MGLL: variants seen among roughly 807,000 people sequenced by gnomAD.
MGLL encodes monoglyceride lipase.
Under a neutral mutation model 29.1 loss-of-function variants are expected in MGLL, and 7 were observed. The ratio of observed to expected loss-of-function variants is 0.24; its 90% CI spans 0.14 to 0.45. The LOEUF is 0.45. Among genes scored for constraint, MGLL ranks in the 20% least tolerant of loss-of-function variants. MGLL has a pLI of 0.99. For missense variants in MGLL, 356 were observed against 413.6 expected (o/e 0.86, Z 1.21); for synonymous variants, 148 against 168.3 (o/e 0.88, Z 0.93).
At chr3:127,784,099 G>C (rs1328961307) in intron 2 of MGLL, 3 of 152,218 alleles carry the variant, frequency 2.0e-5, no homozygotes, top group Non-Finnish European at 4.4e-5. Context: ...ATGGCACAAG[G>C]CATTGCCATC....
chr3:127,692,437 G>T, intron 7 of MGLL, 114 bp from the exon 8 acceptor site: 2 of 1,380,018 alleles, frequency 1.4e-6, no homozygotes, highest in Admixed American at 1.8e-5. Flanking sequence ...CTCTCCCTAT[G>T]CCCGAGGACC....
chr3:127,742,646 A>G (rs2076365853), intron 3 of MGLL, among the ~76,000 whole-genome samples: 1 of 151,048 alleles, frequency 6.6e-6, no homozygotes, highest in Non-Finnish European at 1.5e-5. Flanking sequence ...TCTGAAGAAC[A>G]TGCAGCTCAA....
At chr3:127,725,350 G>A (rs2076011885) in intron 3 of MGLL, among the ~76,000 whole-genome samples, 1 of 151,992 alleles carries the variant, frequency 6.6e-6, no homozygotes, top group South Asian at 2.1e-4. Flanking sequence ...AAAGACATTT[G>A]ATTCACATGG....
chr3:127,743,798 A>G (rs1308168601), intron 3 of MGLL, among the ~76,000 whole-genome samples: 1 of 152,116 alleles, frequency 6.6e-6, no homozygotes, highest in East Asian at 1.9e-4. Flanking sequence ...AAAGTCCAAG[A>G]TCACAGCTTG....
At chr3:127,696,276 C>T (rs2075360115) in intron 6 of MGLL, among the ~76,000 whole-genome samples, 1 of 151,812 alleles carries the variant, frequency 6.6e-6, no homozygotes, top group African/African-American at 2.4e-5. Flanking sequence ...CTTCCTGCCT[C>T]CATAAAGACA....
In MGLL at chr3:127,722,594, G is replaced by C. The variant is rs769966812; in HGVS notation, c.263-28C>G. On this transcript the variant is annotated intron_variant, in intron 3 of 7. Transcript: ENST00000265052. ...GGAAAGGAACGGGAGATGAGAGAGA[G>C]CTGCAGTTACCAGGTCGACTCCTAC... 31 of 1,614,098 alleles carry C rather than the reference G, an allele frequency of 1.9e-5. No individual in the cohort carries two copies. In the South Asian group the frequency reaches 3.4e-4, roughly 18 times the overall value.
rs375044690 is a variant in MGLL, at chr3:127,791,882, C to T, written c.156-9987G>A. On this transcript the variant is annotated intron_variant, in intron 2 of 7. Coordinates refer to ENST00000265052, the MANE Select transcript of MGLL (RefSeq NM_007283.7). ...GGTCAGGAGTTCGAGACCAACCTGACCAACATGGTGAAACCCCGTCTCTAC... is the reference window on the plus strand; with the variant it reads ...GGTCAGGAGTTCGAGACCAACCTGATCAACATGGTGAAACCCCGTCTCTAC... 5.3e-5 allele frequency among the ~76,000 whole-genome samples: 8 copies of T among 152,138 alleles called. No homozygotes were observed. The East Asian group carries it at 1.5e-3, about 29-fold the overall frequency.
At chr3:127,728,717 G>A (rs1411672435) in intron 3 of MGLL, among the ~76,000 whole-genome samples, 1 of 152,236 alleles carries the variant, frequency 6.6e-6, no homozygotes, top group Non-Finnish European at 1.5e-5. Flanking sequence ...TCTGCATGAT[G>A]TTGTATCTTC....
chr3:127,704,702 C>T (rs1032551461), intron 6 of MGLL, among the ~76,000 whole-genome samples: 9 of 152,172 alleles, frequency 5.9e-5, no homozygotes, highest in Non-Finnish European at 7.4e-5. Flanking sequence ...TACCATCTCA[C>T]GCCAGTCAGA....
chr3:127,796,831 A>G (rs2077390430), intron 2 of MGLL, among the ~76,000 whole-genome samples: 1 of 152,250 alleles, frequency 6.6e-6, no homozygotes, highest in South Asian at 2.1e-4. Flanking sequence ...GTATTTCCAT[A>G]TAAATGTGCG....
At chr3:127,776,239 C>A (rs1157726516) in intron 3 of MGLL, among the ~76,000 whole-genome samples, 1 of 152,158 alleles carries the variant, frequency 6.6e-6, no homozygotes, top group African/African-American at 2.4e-5. Context: ...CAGCTCCAAA[C>A]TTTGTGCCTG....
intron 3 of MGLL, among the ~76,000 whole-genome samples, chr3:127,728,827 T>C (rs560549408): frequency 3.3e-5 from 5 of 152,330 alleles, no homozygotes; most frequent in African/African-American, 1.2e-4. Context: ...GAGTGTCACC[T>C]TTCACTCTAT....
At chr3:127,768,239 C>T (rs528671063) in intron 3 of MGLL, among the ~76,000 whole-genome samples, 50 of 152,342 alleles carry the variant, frequency 3.3e-4, no homozygotes, top group African/African-American at 8.4e-4. Flanking sequence ...AAAATAATAA[C>T]GATCTTACAC....
chr3:127,789,324 C>T (rs944716389), intron 2 of MGLL, among the ~76,000 whole-genome samples: 6 of 152,294 alleles, frequency 3.9e-5, no homozygotes, highest in East Asian at 1.9e-4. Flanking sequence ...GACCCATCTA[C>T]GGCTGGAAGG....
intron 5 of MGLL, chr3:127,713,470 T>G (rs2075758339): frequency 6.6e-6 from 1 of 152,352 alleles, no homozygotes; most frequent in Non-Finnish European, 1.5e-5. Flanking sequence ...CCACACAGCC[T>G]TCTCAGGGAC....
At chr3:127,783,143 C>CAAAAAAAAAAA (rs72041528) in intron 2 of MGLL, among the ~76,000 whole-genome samples, 1 of 63,928 alleles carries the variant, frequency 1.6e-5, no homozygotes, top group Non-Finnish European at 2.6e-5. Context: ...GACTCTGTCT[C>CAAAAAAAAAAA]AAAAAAAAAA....
rs534788406 is a variant in MGLL at position 127,768,507 on chromosome 3, T to C, written c.262+13282A>G. Among the ~76,000 whole-genome samples, 7 of 152,332 alleles carry C rather than the reference T, an allele frequency of 4.6e-5. 1 individual carries two copies. The South Asian group carries it at 1.4e-3, about 32-fold the overall frequency. On this transcript the variant is annotated intron_variant, in intron 3 of 7. Coordinates refer to ENST00000265052, the MANE Select transcript of MGLL (RefSeq NM_007283.7). Reference sequence around the variant, plus strand: ...GTGTGTGGTTTAGGGATCAGAGCCCTCATTTTGGGGATGTGTAATGACTAC... The same window carrying C: ...GTGTGTGGTTTAGGGATCAGAGCCCCCATTTTGGGGATGTGTAATGACTAC...
chr3:127,733,999 A>T (rs1408375544), intron 3 of MGLL, among the ~76,000 whole-genome samples: 1 of 152,184 alleles, frequency 6.6e-6, no homozygotes, highest in Non-Finnish European at 1.5e-5. Flanking sequence ...GGCCCTGCAG[A>T]GGAAAGTGGG....
intron 6 of MGLL, among the ~76,000 whole-genome samples, chr3:127,704,323 G>T (rs2075557170): frequency 6.6e-6 from 1 of 152,192 alleles, no homozygotes; most frequent in South Asian, 2.1e-4. Context: ...CACGGGCAAA[G>T]ATTTCATGAT....
Sources: gnomAD v4.1 joint callset for allele counts (sites outside exome capture counted in the v4.1 genomes callset) on GRCh38, gnomAD v4.1.1 for gene constraint, MANE v1.5 for transcripts, NCBI Gene and HGNC (gene_info 2026-07-23, HGNC 2026-07-21) for gene names.